Variants in ZNF385B observed in about 807,000 individuals in gnomAD.
ZNF385B encodes the protein zinc finger protein 385B.
ZNF385B carries 23 observed loss-of-function variants against 39.2 expected under a neutral mutation model. The observed-to-expected ratio is 0.59, with a 90% CI of 0.42 to 0.83. ZNF385B has a LOEUF of 0.83. Among genes scored for constraint, ZNF385B ranks in the 40% least tolerant of loss-of-function variants. The probability of loss-of-function intolerance (pLI) is 0.00; values close to 1 mark genes in which losing one functional copy is unlikely to be tolerated. For synonymous variants in ZNF385B, 205 were observed against 222.6 expected, an observed-to-expected ratio of 0.92 and a Z score of 0.70; for missense variants, 552 against 598.9, an observed-to-expected ratio of 0.92 and a Z score of 0.82.
intron 1 of ZNF385B, among the ~76,000 whole-genome samples, chr2:179,846,066 A>G (rs764422471): frequency 6.6e-6 from 1 of 152,210 alleles, no homozygotes; most frequent in East Asian, 1.9e-4. Context: ...ATGGAAAGTC[A>G]TCGCCTTGGA....
intron 1 of ZNF385B, among the ~76,000 whole-genome samples, chr2:179,808,279 G>A (rs1050042752): frequency 1.2e-4 from 18 of 152,142 alleles, no homozygotes; most frequent in Non-Finnish European, 1.6e-4. Context: ...TGATCCGCCC[G>A]CCTTGGCCTC....
chr2:179,855,561 G>A (rs1008961390), intron 1 of ZNF385B, among the ~76,000 whole-genome samples: 1 of 152,010 alleles, frequency 6.6e-6, no homozygotes, highest in Non-Finnish European at 1.5e-5. Context: ...AAAGCAAAAG[G>A]GCAATTGTTT....
chr2:179,644,117 G>T (rs1692506893), intron 3 of ZNF385B, among the ~76,000 whole-genome samples: 1 of 151,978 alleles, frequency 6.6e-6, no homozygotes, highest in African/African-American at 2.4e-5. Context: ...TATGGAATCT[G>T]AAATCCTGGA....
chr2:179,729,238 T>TA (rs1355784329), intron 3 of ZNF385B, among the ~76,000 whole-genome samples: 39 of 150,380 alleles, frequency 2.6e-4, no homozygotes, highest in African/African-American at 9.3e-4. Context: ...AAGACACAGG[T>TA]AAAAACGAAA....
At chr2:179,661,173 G>A (rs910573473) in intron 3 of ZNF385B, among the ~76,000 whole-genome samples, 2 of 152,160 alleles carry the variant, frequency 1.3e-5, no homozygotes, top group African/African-American at 4.8e-5. Context: ...AAAGGGAAAT[G>A]AATCTAAGTT....
At chr2:179,532,818 A>C (rs2059334188) in intron 4 of ZNF385B, among the ~76,000 whole-genome samples, 1 of 152,192 alleles carries the variant, frequency 6.6e-6, no homozygotes. Context: ...TCACAATGTC[A>C]GTTGTTGGCA....
rs1378455695 is a variant in ZNF385B, at chr2:179,794,100, C to T, written c.-154-23428G>A. Among the ~76,000 whole-genome samples, 3 of 152,242 alleles carry T rather than the reference C, an allele frequency of 2.0e-5. No individual in the cohort carries two copies. The East Asian group carries it at 5.8e-4, about 29-fold the overall frequency. On this transcript the variant is annotated intron_variant, in intron 1 of 9. Transcript: ENST00000410066. The stretch of plus-strand genomic sequence containing the variant: ...CTTTCTGTGTTGCCTCCAATGACTG[C>T]CTTCTATATTTGATCCTTAACTCAA...
intron 6 of ZNF385B, among the ~76,000 whole-genome samples, chr2:179,454,810 C>G: frequency 6.6e-6 from 1 of 152,100 alleles, no homozygotes; most frequent in East Asian, 1.9e-4. Context: ...ATTTTTGTAG[C>G]ACTCTACAGT....
At chr2:179,667,439 G>T (rs1307959686) in intron 3 of ZNF385B, among the ~76,000 whole-genome samples, 1 of 152,076 alleles carries the variant, frequency 6.6e-6, no homozygotes, top group Non-Finnish European at 1.5e-5. Flanking sequence ...CAGAATACAA[G>T]AAATGTGTCC....
intron 1 of ZNF385B, among the ~76,000 whole-genome samples, chr2:179,844,545 G>A (rs2106619983): frequency 6.6e-6 from 1 of 152,264 alleles, no homozygotes; most frequent in South Asian, 2.1e-4. Flanking sequence ...TACCACTGGT[G>A]TTATTTCTAC....
intron 6 of ZNF385B, among the ~76,000 whole-genome samples, chr2:179,471,147 G>A (rs1471934366): frequency 1.3e-5 from 2 of 152,130 alleles, no homozygotes; most frequent in African/African-American, 4.8e-5. Flanking sequence ...GGAGATTTAT[G>A]GCTTTGCAAT....
chr2:179,849,925 C>T (rs914445310), intron 1 of ZNF385B, among the ~76,000 whole-genome samples: 1 of 152,154 alleles, frequency 6.6e-6, no homozygotes, highest in Non-Finnish European at 1.5e-5. Context: ...GATGGGTATG[C>T]AGCACAACCT....
At chr2:179,831,376 G>A (rs1261101383) in intron 1 of ZNF385B, among the ~76,000 whole-genome samples, 5 of 151,632 alleles carry the variant, frequency 3.3e-5, no homozygotes, top group Non-Finnish European at 2.9e-5. Context: ...GACTGACTCC[G>A]TTCTGCACTC....
At chr2:179,790,891 G>A (rs1705285764) in intron 1 of ZNF385B, among the ~76,000 whole-genome samples, 1 of 152,148 alleles carries the variant, frequency 6.6e-6, no homozygotes, top group Admixed American at 6.6e-5. Flanking sequence ...TTTTCTTAGA[G>A]GGGAAAATTA....
At chr2:179,825,490 C>T (rs1707630554) in intron 1 of ZNF385B, among the ~76,000 whole-genome samples, 1 of 151,690 alleles carries the variant, frequency 6.6e-6, no homozygotes, top group Non-Finnish European at 1.5e-5. Context: ...AATTCTTCTC[C>T]TTCTAAAGAA....
At chr2:179,813,795 A>T (rs1295407217) in intron 1 of ZNF385B, among the ~76,000 whole-genome samples, 1 of 152,212 alleles carries the variant, frequency 6.6e-6, no homozygotes, top group Non-Finnish European at 1.5e-5. Flanking sequence ...AATGATTTTT[A>T]AAAACAATCT....
intron 1 of ZNF385B, among the ~76,000 whole-genome samples, chr2:179,839,847 C>T (rs555638142): frequency 6.6e-6 from 1 of 152,282 alleles, no homozygotes; most frequent in East Asian, 1.9e-4. Flanking sequence ...TTGAGAGAAA[C>T]AGAGGCCATC....
chr2:179,534,547 A>C (rs767054856), intron 4 of ZNF385B, among the ~76,000 whole-genome samples: 2 of 152,148 alleles, frequency 1.3e-5, no homozygotes, highest in Non-Finnish European at 2.9e-5. Flanking sequence ...AATAAACTCA[A>C]ATCTTCATGA....
intron 6 of ZNF385B, among the ~76,000 whole-genome samples, chr2:179,466,946 AG>A (rs2052104498): frequency 1.6e-5 from 2 of 124,040 alleles, no homozygotes; most frequent in African/African-American, 3.1e-5. Flanking sequence ...AAAAAAAAAG[AG>A]AGAGAGAAAG....
Sources: allele counts gnomAD v4.1 joint callset (sites outside exome capture counted in the v4.1 genomes callset), GRCh38; gene constraint gnomAD v4.1.1; transcripts MANE v1.5; gene names NCBI Gene and HGNC (gene_info 2026-07-23, HGNC 2026-07-21).